CELF2: variants seen among roughly 807,000 people sequenced by gnomAD.
The protein encoded by CELF2 is CUGBP Elav-like family member 2.
CELF2 carries 8 observed loss-of-function variants against 62.6 expected under a neutral mutation model. The observed-to-expected ratio is 0.13, with a 90% CI of 0.07 to 0.23. The LOEUF (loss-of-function observed/expected upper bound fraction) is 0.23. CELF2 is among the 10% of genes least tolerant of loss of function. The pLI is 1.00. For synonymous variants in CELF2, 258 were observed against 250.0 expected, an observed-to-expected ratio of 1.03 and a Z score of -0.30; for missense variants, 333 against 671.0, an observed-to-expected ratio of 0.50 and a Z score of 5.56.
chr10:10,515,669 C>T, the CELF2 span, among the ~76,000 whole-genome samples: 1 of 152,160 alleles, frequency 6.6e-6, no homozygotes, highest in East Asian at 1.9e-4. Flanking sequence ...GAATTCATGA[C>T]TCAAGGTCAC....
chr10:10,854,977 G>A (rs1308372720), intron 1 of CELF2, among the ~76,000 whole-genome samples: 2 of 152,044 alleles, frequency 1.3e-5, no homozygotes, highest in Non-Finnish European at 2.9e-5. Flanking sequence ...CACGATGAGG[G>A]TGTAACTCTG....
At chr10:10,508,182 AT>A in the CELF2 span, among the ~76,000 whole-genome samples, 1 of 147,990 alleles carries the variant, frequency 6.8e-6, no homozygotes, top group African/African-American at 2.5e-5. Context: ...AAAAAAAAAA[AT>A]ATTCATGCTC....
At chr10:10,955,373 T>A (rs2048779820) in intron 2 of CELF2, among the ~76,000 whole-genome samples, 1 of 152,224 alleles carries the variant, frequency 6.6e-6, no homozygotes, top group Admixed American at 6.5e-5. Context: ...TAGCTGTGCA[T>A]CAGGGACTTT....
At chr10:10,770,580 A>G in the CELF2 span, among the ~76,000 whole-genome samples, 19 of 152,148 alleles carry the variant, frequency 1.2e-4, no homozygotes, top group Non-Finnish European at 2.2e-4. Context: ...AGCTGGAATC[A>G]TAGACTGTGG....
chr10:10,707,861 A>T, the CELF2 span, among the ~76,000 whole-genome samples: 228 of 152,300 alleles, frequency 1.5e-3, 3 homozygotes, highest in African/African-American at 4.6e-3. Flanking sequence ...CCCTTTGCTA[A>T]ATTTTATGTA....
At chr10:10,518,856 T>C in the CELF2 span, among the ~76,000 whole-genome samples, 1 of 152,168 alleles carries the variant, frequency 6.6e-6, no homozygotes, top group Non-Finnish European at 1.5e-5. Flanking sequence ...AGAAAATCAA[T>C]TTATTCATGT....
the CELF2 span, among the ~76,000 whole-genome samples, chr10:10,738,937 G>A: frequency 7.9e-3 from 1,197 of 152,254 alleles, 6 homozygotes; most frequent in Middle Eastern, 0.017. Context: ...ACTAATGTAA[G>A]ATTGTAATAG....
At chr10:11,204,765 G>A (rs1589005307) in intron 2 of CELF2, among the ~76,000 whole-genome samples, 1 of 152,200 alleles carries the variant, frequency 6.6e-6, no homozygotes, top group African/African-American at 2.4e-5. Flanking sequence ...TGTGCCCCAG[G>A]CTTCCGCCGG....
At chr10:10,618,698 A>G in the CELF2 span, among the ~76,000 whole-genome samples, 1 of 152,108 alleles carries the variant, frequency 6.6e-6, no homozygotes, top group Non-Finnish European at 1.5e-5. Context: ...TGTCTGGAGT[A>G]ACTACCTGAA....
intron 1 of CELF2, among the ~76,000 whole-genome samples, chr10:10,804,656 A>C (rs1296736284): frequency 6.6e-6 from 1 of 152,210 alleles, no homozygotes; most frequent in African/African-American, 2.4e-5. Flanking sequence ...GCTGTAACGA[A>C]CTACACTTTT....
chr10:10,676,740 G>A, the CELF2 span, among the ~76,000 whole-genome samples: 5 of 152,260 alleles, frequency 3.3e-5, no homozygotes, highest in East Asian at 1.9e-4. Flanking sequence ...CCAGTTTGGA[G>A]GGCAGAGGTT....
chr10:11,061,879 C>T (rs1442128080), intron 1 of CELF2, among the ~76,000 whole-genome samples: 10 of 152,244 alleles, frequency 6.6e-5, no homozygotes, highest in Admixed American at 6.5e-4. Context: ...GTGGCATGAT[C>T]TCAGCTCACT....
rs142210566 is a variant in CELF2 at position 11,226,430 on chromosome 10, C to G, written c.354+8923C>G. The stretch of plus-strand genomic sequence containing the variant: ...GGGCCTCAGAAGGACCACATTTGCC[C>G]CTTTGGCACTGTCACAAGGTAAATC... On this transcript the variant is annotated intron_variant, in intron 3 of 12. Coordinates refer to ENST00000633077, the MANE Select transcript of CELF2 (RefSeq NM_001326342.2). Among the ~76,000 whole-genome samples, 280 of 152,302 alleles carry G rather than the reference C, an allele frequency of 1.8e-3. 3 individuals carry two copies. Among genetic ancestry groups the G allele is most frequent in the African/African-American group, 6.1e-3 (255 of 41,562 alleles).
At chr10:11,173,142 T>C (rs1021046971) in intron 2 of CELF2, among the ~76,000 whole-genome samples, 4 of 152,190 alleles carry the variant, frequency 2.6e-5, no homozygotes, top group Admixed American at 6.5e-5. Flanking sequence ...AGCTCCCCAC[T>C]AGAGATGTCT....
At chr10:10,982,633 C>T (rs1404939505) in intron 2 of CELF2, among the ~76,000 whole-genome samples, 6 of 152,178 alleles carry the variant, frequency 3.9e-5, no homozygotes, top group African/African-American at 4.8e-5. Context: ...TGAGTGCTTT[C>T]TTCCTATTAC....
chr10:10,832,931 A>G (rs1230309230), intron 1 of CELF2, among the ~76,000 whole-genome samples: 1 of 152,070 alleles, frequency 6.6e-6, no homozygotes, highest in African/African-American at 2.4e-5. Context: ...TCACCTTAGG[A>G]CAGCGTTTTA....
the CELF2 span, among the ~76,000 whole-genome samples, chr10:10,667,022 A>G: frequency 6.6e-6 from 1 of 152,220 alleles, no homozygotes; most frequent in East Asian, 1.9e-4. Flanking sequence ...GCCCTCTAAA[A>G]TAAGTCAGTT....
the CELF2 span, among the ~76,000 whole-genome samples, chr10:10,577,613 G>T: frequency 6.6e-6 from 1 of 150,814 alleles, no homozygotes; most frequent in African/African-American, 2.4e-5. Context: ...TGCGGTGTTT[G>T]TTTTTTTGTC....
chr10:10,896,258 T>C (rs2062546324), intron 1 of CELF2, among the ~76,000 whole-genome samples: 1 of 152,000 alleles, frequency 6.6e-6, no homozygotes, highest in Non-Finnish European at 1.5e-5. Flanking sequence ...GTACAGCACA[T>C]AGAAGGGTCT....
Sources: allele counts gnomAD v4.1 joint callset (sites outside exome capture counted in the v4.1 genomes callset), GRCh38; gene constraint gnomAD v4.1.1; transcripts MANE v1.5; gene names NCBI Gene and HGNC (gene_info 2026-07-23, HGNC 2026-07-21).